The following TMEM216 variants were observed in gnomAD, a reference collection of about 807,000 sequenced individuals.
The protein encoded by TMEM216 is transmembrane protein 216, also known as cerebello-oculo-renal syndrome 2.
A neutral mutation model predicts 17.8 loss-of-function variants in TMEM216; 15 were observed. The ratio of observed to expected loss-of-function variants is 0.84; its 90% CI spans 0.56 to 1.30. TMEM216 has a LOEUF of 1.30. Among genes scored for constraint, TMEM216 ranks in the 50% most tolerant of loss-of-function variants. The pLI, the probability that TMEM216 is intolerant of heterozygous loss-of-function variation, is 0.00. For synonymous variants in TMEM216, 58 were observed against 73.5 expected (o/e 0.79, Z 1.08); for missense variants, 160 against 175.7 (o/e 0.91, Z 0.51).
At chr11:61,394,201 A>C in intron 3 of TMEM216, 1 of 512,626 alleles carries the variant, frequency 2.0e-6, no homozygotes, top group Non-Finnish European at 3.6e-6. Context: ...GGGATATTAG[A>C]TGATTCCTTC....
chr11:61,392,808 G>A, intron 1 of TMEM216, 143 bp downstream of exon 1: 2 of 1,515,120 alleles, frequency 1.3e-6, no homozygotes, highest in Non-Finnish European at 1.8e-6. Flanking sequence ...GGCTTCCGCG[G>A]TCCCGCCCAC....
Position 61,397,949 on chromosome 11 carries a change from G to C in TMEM216, c.405G>C (p.Glu135Asp), listed in dbSNP as rs748486939. 6.2e-6 allele frequency: 10 copies of C among 1,613,844 alleles called. No individual in the cohort carries two copies. The highest frequency in any genetic ancestry group is 7.6e-6 in the Non-Finnish European group (9 of 1,179,894). ...LFFCGSELLL[E>D]VLTLAAFSRI is the part of the protein sequence containing the mutation. The stretch of plus-strand genomic sequence containing the variant: ...TCTGTGGCTCAGAGCTTTTACTTGA[G>C]GTGCTCACCTTGGCTGCTTTCTCCA... The change falls in exon 4 of 5, where the codon GAG becomes GAC. Residue 135 changes from glutamate to aspartate, a missense_variant. Physicochemically the swap from Glu to Asp is conservative, Grantham distance 45. Coordinates refer to ENST00000515837, the MANE Select transcript of TMEM216 (RefSeq NM_001173990.3).
chr11:61,397,171 T>A (rs1420095377), intron 3 of TMEM216, among the ~76,000 whole-genome samples: 1 of 148,500 alleles, frequency 6.7e-6, no homozygotes, highest in African/African-American at 2.5e-5. Flanking sequence ...GTGTTGAAAT[T>A]TTTTTTTTTT....
Position 61,398,402 on chromosome 11 carries a change from G to C in TMEM216, c.*126G>C, listed in dbSNP as rs1858849932. On this transcript the variant is annotated 3_prime_UTR_variant, in exon 5 of 5. Coordinates refer to ENST00000515837, the MANE Select transcript of TMEM216 (RefSeq NM_001173990.3). The stretch of plus-strand genomic sequence containing the variant: ...AGAAAGGCTGTGTGGCTTTTCTTCA[G>C]CACAGACATTTGGGCAAGCAACTCA... The C allele has an allele frequency of 5.7e-6, 6 of 1,045,830 alleles. No individual in the cohort carries two copies. Among genetic ancestry groups the C allele is most frequent in the Non-Finnish European group, 2.8e-6 (2 of 711,044 alleles). 64.8% of individuals were successfully genotyped at this position (1,045,830 alleles called of 1,614,324 possible).
At chr11:61,395,795 G>A (rs924095998) in intron 3 of TMEM216, among the ~76,000 whole-genome samples, 1 of 151,442 alleles carries the variant, frequency 6.6e-6, no homozygotes. Context: ...CAGAGAACCA[G>A]TAAAACTTGA....
intron 1 of TMEM216, 88 bp from the exon 2 acceptor site, chr11:61,393,143 T>A: frequency 1.0e-6 from 1 of 975,640 alleles, no homozygotes; most frequent in Non-Finnish European, 1.4e-6. Context: ...TTGCAGCGTC[T>A]AGTTTCCCCA....
Position 61,397,839 on chromosome 11 carries a change from T to C in TMEM216, c.295T>C (p.Ser99Pro), listed in dbSNP as rs1238443381. 20 of 1,613,898 alleles carry C rather than the reference T, an allele frequency of 1.2e-5. 1 individual carries two copies. In the South Asian group the frequency reaches 2.1e-4, roughly 17 times the overall value. Residue 99 changes from serine (S) to proline (P), a missense_variant, in exon 4 of 5, where the codon TCT becomes CCT. Physicochemically the swap from Ser to Pro is moderately conservative, Grantham distance 74. Coordinates refer to ENST00000515837, the MANE Select transcript of TMEM216 (RefSeq NM_001173990.3). ...TATTAGCGTGGCCTTGACCTTCCCA[T>C]CTGCCATGATGGCCTCCTATTACCT... ...LSISVALTFPSAMMASYYLLL... is the reference protein window; with the variant it reads ...LSISVALTFPPAMMASYYLLL...
intron 3 of TMEM216, among the ~76,000 whole-genome samples, chr11:61,396,826 C>G (rs555552671): frequency 6.7e-6 from 1 of 149,360 alleles, no homozygotes; most frequent in African/African-American, 2.5e-5. Flanking sequence ...GGCATAGTGA[C>G]GTGTACCTAT....
In TMEM216 at chr11:61,398,363, G is replaced by A. The variant is rs1858849264; in HGVS notation, c.*87G>A. On this transcript the variant is annotated 3_prime_UTR_variant, in exon 5 of 5. Transcript: ENST00000515837. Reference sequence around the variant, plus strand: ...TAGCCACACCAGTGAGAATTGGTGGGGCAAGTTGTCCTGAGAAAGGCTGTG... The same window carrying A: ...TAGCCACACCAGTGAGAATTGGTGGAGCAAGTTGTCCTGAGAAAGGCTGTG... 1.4e-6 allele frequency: 2 copies of A among 1,453,546 alleles called. No individual in the cohort carries two copies. Among genetic ancestry groups the A allele is most frequent in the Admixed American group, 1.9e-5 (1 of 52,910 alleles). The allele number at this position is 1,453,546 out of a possible 1,614,324, so 90.0% of individuals were successfully genotyped here. A position where few individuals can be genotyped will look rare whatever the true frequency, so the allele number is the denominator to read the frequency against.
intron 2 of TMEM216, 78 bp from the exon 3 acceptor site, chr11:61,393,804 CCT>C: frequency 1.9e-6 from 2 of 1,064,076 alleles, no homozygotes; most frequent in Non-Finnish European, 2.8e-6. Context: ...AGACTGATGT[CCT>C]CTTTTTTCCC....
At chr11:61,392,966 T>C in intron 1 of TMEM216, 2 of 802,034 alleles carry the variant, frequency 2.5e-6, no homozygotes, top group Non-Finnish European at 3.0e-6. Flanking sequence ...ATCTTTGAGA[T>C]GTCTGTCAGC....
chr11:61,393,432 CCTGCAGTTCTTTGTCG>C, intron 2 of TMEM216, 100 bp downstream of exon 2: 1 of 853,622 alleles, frequency 1.2e-6, no homozygotes, highest in South Asian at 1.6e-5. Flanking sequence ...TTTTCTGCCC[CCTGCAGTTCTTTGTCG>C]CTGCAAGGCA....
At chr11:61,395,028 G>T (rs1858769112) in intron 3 of TMEM216, among the ~76,000 whole-genome samples, 1 of 152,050 alleles carries the variant, frequency 6.6e-6, no homozygotes, top group Admixed American at 6.6e-5. Flanking sequence ...CTAGGCTGTA[G>T]TACAGTGGTA....
intron 3 of TMEM216, among the ~76,000 whole-genome samples, chr11:61,396,949 A>G (rs1397975028): frequency 6.6e-6 from 1 of 151,554 alleles, no homozygotes; most frequent in African/African-American, 2.4e-5. Context: ...AAAAAAAATT[A>G]AGGTAGCTAT....
rs1179576431 is a variant in TMEM216, at chr11:61,393,761, C to T, written c.137-123C>T. On this transcript the variant is annotated intron_variant, in intron 2 of 4. Transcript: ENST00000515837. ...TATGTATCCTGCTGCTGTAATAATG[C>T]CCACATCTCACTAACTAGTTCATGG... 36 of 672,408 alleles carry T rather than the reference C, an allele frequency of 5.4e-5. No individual in the cohort carries two copies. The East Asian group carries it at 7.5e-4, about 14-fold the overall frequency. The allele number at this position is 672,408 out of a possible 1,614,324, so 41.7% of individuals were successfully genotyped here. A position where few individuals can be genotyped will look rare whatever the true frequency, so the allele number is the denominator to read the frequency against.
chr11:61,397,532 G>T (rs1858826042), intron 3 of TMEM216, among the ~76,000 whole-genome samples: 1 of 152,058 alleles, frequency 6.6e-6, no homozygotes, highest in Admixed American at 6.6e-5. Flanking sequence ...CCCAAATAAA[G>T]ATCCCATTGT....
chr11:61,395,351 A>ACAT (rs1858774849), intron 3 of TMEM216, among the ~76,000 whole-genome samples: 1 of 152,224 alleles, frequency 6.6e-6, no homozygotes, highest in South Asian at 2.1e-4. Context: ...CCCTGAAATC[A>ACAT]ACGTTAAAGC....
chr11:61,397,787 C>A lies in TMEM216; in HGVS notation c.243C>A (p.Asn81Lys). The A allele has an allele frequency of 6.2e-7, 1 of 1,613,162 alleles. No homozygotes were observed. The highest frequency in any genetic ancestry group is 8.5e-7 in the Non-Finnish European group (1 of 1,179,868). Reference protein sequence around the residue: ...VIRLFFGTKGNLCQRKMPLSI... With the variant: ...VIRLFFGTKGKLCQRKMPLSI... ...TGTGTCTGACAGGTACAAAGGGAAACCTCTGCCAGCGAAAGATGCCGCTCA... is the reference window on the plus strand; with the variant it reads ...TGTGTCTGACAGGTACAAAGGGAAAACTCTGCCAGCGAAAGATGCCGCTCA... The change falls in exon 4 of 5, where the codon AAC (asparagine) becomes AAA (lysine). Residue 81 changes from asparagine to lysine, a missense_variant. Asn to Lys is a moderately conservative substitution (Grantham distance 94). Coordinates refer to ENST00000515837, the MANE Select transcript of TMEM216 (RefSeq NM_001173990.3).
At chr11:61,394,092 C>T in intron 3 of TMEM216, 116 bp downstream of exon 3, 1 of 882,288 alleles carries the variant, frequency 1.1e-6, no homozygotes, top group East Asian at 2.5e-5. Flanking sequence ...ATCTGTATAT[C>T]CTATTACTCC....
Sources: gnomAD v4.1 joint callset for allele counts (sites outside exome capture counted in the v4.1 genomes callset) on GRCh38, gnomAD v4.1.1 for gene constraint, MANE v1.5 for transcripts, NCBI Gene and HGNC (gene_info 2026-07-23, HGNC 2026-07-21) for gene names.